UBXN2A: variants seen among roughly 807,000 people sequenced by gnomAD.
UBXN2A encodes UBX domain-containing protein 2A.
A neutral mutation model predicts 28.4 loss-of-function variants in UBXN2A; 28 were observed. That is an observed-to-expected ratio of 0.99 (90% CI 0.73 to 1.35). The LOEUF is 1.35. Among genes scored for constraint, UBXN2A ranks in the 40% most tolerant of loss-of-function variants. The probability of loss-of-function intolerance (pLI) is 0.00; values close to 1 mark genes in which losing one functional copy is unlikely to be tolerated. For missense variants in UBXN2A, 253 were observed against 297.9 expected (o/e 0.85, Z 1.11); for synonymous variants, 97 against 103.6 (o/e 0.94, Z 0.39).
chr2:23,958,513 T>C (rs1706749191), intron 2 of UBXN2A, among the ~76,000 whole-genome samples, 158 bp downstream of exon 2: 1 of 152,228 alleles, frequency 6.6e-6, no homozygotes, highest in Admixed American at 6.5e-5. Context: ...TTACCATAGC[T>C]GCATTAAACA....
chr2:23,948,254 CTTT>C (rs60805838), intron 1 of UBXN2A, among the ~76,000 whole-genome samples: 10 of 129,176 alleles, frequency 7.7e-5, no homozygotes, highest in Admixed American at 8.0e-5. Flanking sequence ...TTTTCTTTTT[CTTT>C]TTTTTTTTTT....
intron 4 of UBXN2A, among the ~76,000 whole-genome samples, chr2:23,979,349 A>G (rs1048298444): frequency 6.6e-5 from 10 of 152,192 alleles, no homozygotes; most frequent in Non-Finnish European, 1.5e-4. Context: ...TGTCTCAAAA[A>G]AAAAAAGAAC....
In UBXN2A at chr2:23,976,957, A is replaced by G. The variant is rs775328824; in HGVS notation, c.181-12A>G. 3.8e-6 allele frequency: 6 copies of G among 1,591,346 alleles called. No individual in the cohort carries two copies. Among genetic ancestry groups the G allele is most frequent in the Non-Finnish European group, 5.2e-6 (6 of 1,160,804 alleles). On this transcript the variant is annotated splice_polypyrimidine_tract_variant and intron_variant, in intron 3 of 6. Transcript: ENST00000309033. ...ATTAACATGACGCATTTTGTTTCCT[A>G]CTGTTTTGCAGGTAGATGTAAATAT...
chr2:23,978,396 C>A (rs1707760388), intron 4 of UBXN2A, among the ~76,000 whole-genome samples: 1 of 152,206 alleles, frequency 6.6e-6, no homozygotes, highest in Non-Finnish European at 1.5e-5. Flanking sequence ...GTCATCCCAG[C>A]ACTTTGGGAG....
Position 23,961,704 on chromosome 2 carries a change from C to T in UBXN2A, c.41+3349C>T, listed in dbSNP as rs187614407. On this transcript the variant is annotated intron_variant, in intron 2 of 6. Transcript: ENST00000309033. ...CTGGGACTGTAGGTGCACACCACCA[C>T]GCCCAGCTAATTTTTGTATTTTTAG... Among the ~76,000 whole-genome samples the T allele has an allele frequency of 1.9e-3, 280 of 144,464 alleles. 1 individual carries two copies. Among genetic ancestry groups the T allele is most frequent in the African/African-American group, 6.8e-3 (267 of 39,100 alleles). 94.8% of individuals were successfully genotyped at this position (144,464 alleles called of 152,430 possible).
chr2:23,946,654 C>T (rs1458167994), intron 1 of UBXN2A, among the ~76,000 whole-genome samples: 4 of 151,978 alleles, frequency 2.6e-5, no homozygotes, highest in Admixed American at 2.6e-4. Context: ...TGGAGTTTCA[C>T]CATATTGGCC....
intron 1 of UBXN2A, among the ~76,000 whole-genome samples, chr2:23,950,201 A>G (rs1706296003): frequency 6.6e-6 from 1 of 152,106 alleles, no homozygotes; most frequent in African/African-American, 2.4e-5. Flanking sequence ...AATGCTTAGG[A>G]GGAGACTATT....
At chr2:23,941,623 T>G (rs1341556189) in intron 1 of UBXN2A, among the ~76,000 whole-genome samples, 1 of 152,216 alleles carries the variant, frequency 6.6e-6, no homozygotes, top group African/African-American at 2.4e-5. Context: ...GCATTTTAAT[T>G]TAATAATGTA....
At position 23,999,673 on chromosome 2, in the gene UBXN2A, G is replaced by A. The variant is rs901244826; in HGVS notation, c.586G>A (p.Val196Ile). The A allele has an allele frequency of 3.1e-6, 5 of 1,612,276 alleles. No homozygotes were observed. The highest frequency in any genetic ancestry group is 3.4e-6 in the Non-Finnish European group (4 of 1,179,622). Residue 196 changes from valine (V) to isoleucine (I), a missense_variant and splice_region_variant, in exon 7 of 7, where the codon GTA becomes ATA. Physicochemically the swap from Val to Ile is conservative, Grantham distance 29. Transcript: ENST00000309033. ...IVQKFNITHRVSHIKDFIEKY... is the reference protein window; with the variant it reads ...IVQKFNITHRISHIKDFIEKY... The stretch of plus-strand genomic sequence containing the variant: ...TTAATAGTTTTTGCTGTTTTACAGA[G>A]TAAGCCATATCAAAGACTTCATTGA...
At chr2:23,987,238 G>T (rs1054826334) in intron 6 of UBXN2A, among the ~76,000 whole-genome samples, 3 of 151,820 alleles carry the variant, frequency 2.0e-5, no homozygotes, top group East Asian at 1.9e-4. Context: ...AGAGTTAAAA[G>T]AATAAGAATA....
intron 1 of UBXN2A, among the ~76,000 whole-genome samples, chr2:23,952,469 G>A (rs761067914): frequency 6.6e-6 from 1 of 151,950 alleles, no homozygotes. Flanking sequence ...TTTTGAGACA[G>A]AGTCTTTCCC....
chr2:23,958,226 T>C (rs560402186), intron 1 of UBXN2A, 75 bp from the exon 2 acceptor site: 1 of 1,187,890 alleles, frequency 8.4e-7, no homozygotes, highest in East Asian at 2.6e-5. Context: ...AGTAATACTT[T>C]AGGACTACAT....
At chr2:23,958,835 A>G (rs570665895) in intron 2 of UBXN2A, among the ~76,000 whole-genome samples, 9 of 152,130 alleles carry the variant, frequency 5.9e-5, no homozygotes, top group Non-Finnish European at 1.2e-4. Flanking sequence ...TTATGTGTGT[A>G]TCTTTTTTTC....
At chr2:23,973,019 G>C (rs559205364) in intron 3 of UBXN2A, among the ~76,000 whole-genome samples, 12 of 152,070 alleles carry the variant, frequency 7.9e-5, no homozygotes, top group Admixed American at 2.0e-4. Flanking sequence ...AAGAAAGAAT[G>C]GTTTACATAC....
intron 3 of UBXN2A, among the ~76,000 whole-genome samples, chr2:23,973,247 C>T (rs1013412112): frequency 6.6e-6 from 1 of 152,048 alleles, no homozygotes; most frequent in African/African-American, 2.4e-5. Flanking sequence ...TCTCGAACTC[C>T]TGACCTTGTG....
chr2:23,982,252 A>C (rs1707941124), intron 4 of UBXN2A, among the ~76,000 whole-genome samples: 1 of 152,036 alleles, frequency 6.6e-6, no homozygotes, highest in Non-Finnish European at 1.5e-5. Context: ...CTGTAGTCCC[A>C]GCTACTTAGG....
chr2:23,977,107 TAAACCCA>T lies in UBXN2A; in HGVS notation c.287+37_287+43del, dbSNP rs757721382. 2.5e-6 allele frequency: 4 copies of T among 1,569,116 alleles called. No homozygotes were observed. The East Asian group carries it at 6.8e-5, about 27-fold the overall frequency. On this transcript the variant is annotated intron_variant, in intron 4 of 6. Coordinates refer to ENST00000309033, the MANE Select transcript of UBXN2A (RefSeq NM_181713.4). ...AGCCAGGTGTGGTAGGTCAAGCCTG[TAAACCCA>T]AAACTTTGGCAGGCTGTGGCGAGAG... is the stretch of plus-strand genomic sequence containing the variant.
intron 6 of UBXN2A, among the ~76,000 whole-genome samples, chr2:23,989,891 C>G (rs552780462): frequency 2.5e-4 from 38 of 152,146 alleles, no homozygotes; most frequent in African/African-American, 9.1e-4. Context: ...GGCAATAGAA[C>G]CAGACCTTGT....
chr2:23,941,348 A>G (rs546481183), intron 1 of UBXN2A, among the ~76,000 whole-genome samples: 1 of 152,328 alleles, frequency 6.6e-6, no homozygotes, highest in Non-Finnish European at 1.5e-5. Flanking sequence ...AAACTTTAAA[A>G]GTTCATGTTG....
Sources: allele counts gnomAD v4.1 joint callset (sites outside exome capture counted in the v4.1 genomes callset), GRCh38; gene constraint gnomAD v4.1.1; transcripts MANE v1.5; gene names NCBI Gene and HGNC (gene_info 2026-07-23, HGNC 2026-07-21).